The following ARHGAP40 variants were observed in gnomAD, a reference collection of about 807,000 sequenced individuals.
The protein encoded by ARHGAP40 is rho GTPase-activating protein 40.
Under a neutral mutation model 73.5 loss-of-function variants are expected in ARHGAP40, and 43 were observed. The observed-to-expected ratio is 0.58, with a 90% confidence interval of 0.46 to 0.75. The LOEUF (loss-of-function observed/expected upper bound fraction) is 0.75, where lower values mean the gene tolerates loss of function less well. Among genes scored for constraint, ARHGAP40 ranks in the 30% least tolerant of loss-of-function variants. ARHGAP40 has a pLI of 0.00. For synonymous variants in ARHGAP40, 300 were observed against 352.8 expected (o/e 0.85, Z 1.68); for missense variants, 734 against 861.8 (o/e 0.85, Z 1.86).
intron 5 of ARHGAP40, among the ~76,000 whole-genome samples, chr20:38,630,545 T>A (rs1387538851): frequency 6.6e-6 from 1 of 152,114 alleles, no homozygotes; most frequent in African/African-American, 2.4e-5. Context: ...AAATATTCAG[T>A]TATCCCAGCA....
chr20:38,622,999 A>G (rs2088880929), intron 1 of ARHGAP40, among the ~76,000 whole-genome samples: 1 of 152,212 alleles, frequency 6.6e-6, no homozygotes, highest in Non-Finnish European at 1.5e-5. Context: ...GTAAAAATTC[A>G]GTGAGATCCA....
At chr20:38,623,410 G>T in exon 2 of ARHGAP40, 2 of 1,290,894 alleles carry the variant, frequency 1.5e-6, no homozygotes, top group Non-Finnish European at 2.0e-6. Context: ...AGAATCTCCT[G>T]CGACTACACC....
intron 7 of ARHGAP40, 32 bp downstream of exon 7, chr20:38,637,831 T>G: frequency 7.7e-7 from 1 of 1,296,112 alleles, no homozygotes; most frequent in Non-Finnish European, 1.0e-6. Flanking sequence ...TTGGGTTTAT[T>G]TAATCCTTCA....
chr20:38,634,107 T>G (rs1306417776), intron 5 of ARHGAP40, among the ~76,000 whole-genome samples: 1 of 152,108 alleles, frequency 6.6e-6, no homozygotes, highest in Non-Finnish European at 1.5e-5. Context: ...ATTCCAGCAC[T>G]TTGGGAGGCT....
At position 38,610,134 on chromosome 20, in the gene ARHGAP40, C is replaced by T. The variant is rs148527894; in HGVS notation, c.137+8055C>T. Among the ~76,000 whole-genome samples, 410 of 152,240 alleles carry T rather than the reference C, an allele frequency of 2.7e-3. 3 individuals carry two copies. The highest frequency in any genetic ancestry group is 9.2e-3 in the African/African-American group (384 of 41,514). ...GCTCAAGGATGGACCTTCAAAGATC[C>T]GAGAACCACTAAAATTATTTGGTAA... On this transcript the variant is annotated intron_variant, in intron 1 of 14. Coordinates refer to ENST00000373345, the Ensembl canonical transcript of ARHGAP40.
At chr20:38,627,448 T>C (rs972853394) in intron 3 of ARHGAP40, among the ~76,000 whole-genome samples, 1 of 86,170 alleles carries the variant, frequency 1.2e-5, no homozygotes, top group African/African-American at 3.8e-5. Flanking sequence ...GTTGGGGGTG[T>C]GTGTGTTGGT....
chr20:38,630,113 C>A (rs1461124855), intron 5 of ARHGAP40, among the ~76,000 whole-genome samples: 1 of 121,604 alleles, frequency 8.2e-6, no homozygotes, highest in African/African-American at 3.2e-5. Context: ...TTTTTCTTTT[C>A]TTTCTCTTTC....
exon 15 of ARHGAP40, chr20:38,649,893 C>T (rs914687891): frequency 7.5e-5 from 93 of 1,238,222 alleles, no homozygotes; most frequent in Non-Finnish European, 9.9e-5. Flanking sequence ...CTCCTCTCCC[C>T]TGCTGGCTCT....
At chr20:38,639,412 G>A (rs1027814361) in intron 9 of ARHGAP40, 26 bp downstream of exon 9, 5 of 1,297,760 alleles carry the variant, frequency 3.9e-6, no homozygotes, top group Non-Finnish European at 5.1e-6. Flanking sequence ...CCCTTAGCCT[G>A]TGCAGGGATG....
exon 2 of ARHGAP40, chr20:38,623,499 A>G: frequency 7.7e-7 from 1 of 1,290,916 alleles, no homozygotes; most frequent in South Asian, 1.2e-5. Context: ...GAACAGATCC[A>G]ACAGAGAGAT....
exon 15 of ARHGAP40, chr20:38,650,325 G>A (rs2089082039): frequency 2.1e-6 from 1 of 471,034 alleles, no homozygotes; most frequent in Admixed American, 2.4e-5. Context: ...GAGGTAGTTG[G>A]GGTCTTTTCC....
intron 5 of ARHGAP40, among the ~76,000 whole-genome samples, chr20:38,630,941 T>G (rs570397638): frequency 8.7e-4 from 132 of 152,316 alleles, no homozygotes; most frequent in Non-Finnish European, 1.5e-3. Context: ...AACATTTTAC[T>G]GAGGGCTGCC....
chr20:38,625,401 T>TC (rs1555791786), intron 2 of ARHGAP40, among the ~76,000 whole-genome samples: 2 of 151,726 alleles, frequency 1.3e-5, no homozygotes, highest in African/African-American at 4.9e-5. Flanking sequence ...TTTTTTTTTT[T>TC]CCTTTCTTTT....
intron 3 of ARHGAP40, 22 bp from the exon 4 acceptor site, chr20:38,628,905 G>A (rs1312368065): frequency 1.5e-6 from 2 of 1,298,628 alleles, no homozygotes; most frequent in African/African-American, 1.5e-5. Context: ...GAGTAATTGG[G>A]CACTGTCTGT....
chr20:38,609,846 T>A lies in ARHGAP40; in HGVS notation c.137+7767T>A, dbSNP rs542715563. On this transcript the variant is annotated intron_variant, in intron 1 of 14. Transcript: ENST00000373345. ...AGGAGAGATGGGATTGCAGTTTGCTTTCAAGCCCTGAGCCCGGCTGCAACC... is the reference window on the plus strand; with the variant it reads ...AGGAGAGATGGGATTGCAGTTTGCTATCAAGCCCTGAGCCCGGCTGCAACC... 7.9e-5 allele frequency among the ~76,000 whole-genome samples: 12 copies of A among 152,336 alleles called. No homozygotes were observed. In the South Asian group the frequency reaches 2.1e-3, roughly 26 times the overall value.
chr20:38,615,535 A>G (rs1163545859), intron 1 of ARHGAP40: 1 of 604,168 alleles, frequency 1.7e-6, no homozygotes, highest in South Asian at 1.6e-5. Context: ...AGTGTCCCGG[A>G]GGAGGTGCCG....
chr20:38,649,678 C>T lies in ARHGAP40; in HGVS notation c.1937-79C>T, dbSNP rs962664203. The T allele has an allele frequency of 2.1e-4, 185 of 880,696 alleles. 1 individual carries two copies. The African/African-American group carries it at 3.0e-3, about 14-fold the overall frequency. 54.6% of individuals were successfully genotyped at this position (880,696 alleles called of 1,614,324 possible). A position where few individuals can be genotyped will look rare whatever the true frequency, so the allele number is the denominator to read the frequency against. On this transcript the variant is annotated intron_variant, in intron 14 of 14. Coordinates refer to ENST00000373345, the Ensembl canonical transcript of ARHGAP40. ...CATACAGCCAGGGGACAGTGCACTG[C>T]CTGGTGAAGGGCTCTGTGCAGGGGA...
intron 1 of ARHGAP40, among the ~76,000 whole-genome samples, chr20:38,612,923 A>C (rs1253512896): frequency 2.0e-5 from 3 of 152,172 alleles, no homozygotes; most frequent in Non-Finnish European, 4.4e-5. Flanking sequence ...AAGCCTACAC[A>C]ACTTAAGGAC....
intron 5 of ARHGAP40, among the ~76,000 whole-genome samples, chr20:38,630,529 T>G (rs1001608937): frequency 8.5e-5 from 13 of 152,118 alleles, no homozygotes; most frequent in Middle Eastern, 3.2e-3. Context: ...CCGTTCTTTT[T>G]TCCCAAAATA....
Sources: gnomAD v4.1 joint callset for allele counts (sites outside exome capture counted in the v4.1 genomes callset) on GRCh38, gnomAD v4.1.1 for gene constraint, MANE v1.5 for transcripts, NCBI Gene and HGNC (gene_info 2026-07-23, HGNC 2026-07-21) for gene names.